Variants in DNMT3A observed in about 807,000 individuals in gnomAD.
DNMT3A encodes DNA methyltransferase 3 alpha.
A neutral mutation model predicts 117.6 loss-of-function variants in DNMT3A; 267 were observed. The observed-to-expected ratio is 2.27, with a 90% CI of 2.05 to 2.51. The LOEUF (loss-of-function observed/expected upper bound fraction) is 2.51, where lower values mean the gene tolerates loss of function less well. DNMT3A is among the 30% of genes most tolerant of loss of function. The pLI, the probability that DNMT3A is intolerant of heterozygous loss-of-function variation, is 0.00. For synonymous variants in DNMT3A, 432 were observed against 474.8 expected (o/e 0.91, Z 1.17); for missense variants, 1,029 against 1,260.2 (o/e 0.82, Z 2.78).
In DNMT3A at chr2:25,308,585, C is replaced by T. The variant is rs111258899; in HGVS notation, c.72+5328G>A. On this transcript the variant is annotated intron_variant, in intron 2 of 22. Coordinates refer to ENST00000321117, the MANE Select transcript of DNMT3A (RefSeq NM_022552.5). Reference sequence around the variant, plus strand: ...CTAACTCCCCCGAGATCAGAGTGAGCGCGCCATTATCGCTGGCTGGGTCTC... The same window carrying T: ...CTAACTCCCCCGAGATCAGAGTGAGTGCGCCATTATCGCTGGCTGGGTCTC... Among the ~76,000 whole-genome samples the T allele has an allele frequency of 1.2e-3, 185 of 152,158 alleles. 2 individuals carry two copies. The highest frequency in any genetic ancestry group is 4.2e-3 in the African/African-American group (174 of 41,520).
chr2:25,307,515 G>C (rs1000364685), intron 2 of DNMT3A, among the ~76,000 whole-genome samples: 1 of 146,502 alleles, frequency 6.8e-6, no homozygotes, highest in Non-Finnish European at 1.5e-5. Flanking sequence ...ACCCAGGCTG[G>C]AGTGCAATGG....
At chr2:25,238,438 G>T (rs1419538648) in intron 20 of DNMT3A, among the ~76,000 whole-genome samples, 3 of 152,126 alleles carry the variant, frequency 2.0e-5, no homozygotes, top group Non-Finnish European at 2.9e-5. Flanking sequence ...CCATGACTCA[G>T]AACACTCTGG....
In DNMT3A at chr2:25,286,656, G is replaced by A. The variant is rs1175161162; in HGVS notation, c.178-3945C>T. ...TCAATGGGGCTCTCTGGGGCTCAGG[G>A]TGACCAGCAGGACAAAACCATCCAG... On this transcript the variant is annotated intron_variant, in intron 3 of 22. Coordinates refer to ENST00000321117, the MANE Select transcript of DNMT3A (RefSeq NM_022552.5). The surrounding 1 kb of genome is among the most constrained non-coding windows in gnomAD (Gnocchi z 4.3). Among the ~76,000 whole-genome samples the A allele has an allele frequency of 1.3e-5, 2 of 152,238 alleles. No individual in the cohort carries two copies. Among genetic ancestry groups the A allele is most frequent in the Non-Finnish European group, 2.9e-5 (2 of 68,042 alleles).
At chr2:25,333,682 TG>T (rs996270661) in intron 1 of DNMT3A, among the ~76,000 whole-genome samples, 1 of 152,128 alleles carries the variant, frequency 6.6e-6, no homozygotes, top group Admixed American at 6.6e-5. Flanking sequence ...CAGGGCTTTG[TG>T]GGGGTCACCC....
At position 25,252,371 on chromosome 2, in the gene DNMT3A, C is replaced by T; in HGVS notation, c.640-4119G>A. On this transcript the variant is annotated intron_variant, in intron 6 of 22. Coordinates refer to ENST00000321117, the MANE Select transcript of DNMT3A (RefSeq NM_022552.5). This position sits in a 1 kb window ranked among gnomAD's most constrained non-coding sequence, Gnocchi z 5.5. ...GGGAGGGAGGGAACATTTTCTTTGT[C>T]TAGGACTCCAGGTCACGTGGGCCCC... 3.0e-6 allele frequency: 2 copies of T among 658,326 alleles called. No individual in the cohort carries two copies. The highest frequency in any genetic ancestry group is 4.7e-6 in the Non-Finnish European group (2 of 429,952). 40.8% of individuals were successfully genotyped at this position (658,326 alleles called of 1,614,324 possible). A position where few individuals can be genotyped will look rare whatever the true frequency, so the allele number is the denominator to read the frequency against.
At chr2:25,307,708 C>T (rs967041722) in intron 2 of DNMT3A, among the ~76,000 whole-genome samples, 5 of 152,282 alleles carry the variant, frequency 3.3e-5, no homozygotes, top group East Asian at 1.9e-4. Context: ...TCAAGTGATC[C>T]ATCTGCCTTG....
chr2:25,238,909 G>C (rs975423366), intron 20 of DNMT3A, among the ~76,000 whole-genome samples: 1 of 152,218 alleles, frequency 6.6e-6, no homozygotes, highest in African/African-American at 2.4e-5. Context: ...TACTTTTAAA[G>C]GTCCTGCTTT....
chr2:25,302,398 G>A (rs1316847594), intron 2 of DNMT3A, among the ~76,000 whole-genome samples: 3 of 152,214 alleles, frequency 2.0e-5, no homozygotes, highest in Non-Finnish European at 4.4e-5. Flanking sequence ...GCTGGAGAAG[G>A]ACCAAAGAGG....
rs2149252654 is a variant in DNMT3A, at chr2:25,234,331, G to A, written c.2687C>T (p.Pro896Leu). ...QRLLGRSWSVPVIRHLFAPLK... is the reference protein window; with the variant it reads ...QRLLGRSWSVLVIRHLFAPLK... ...CGGAGCGAAGAGGTGGCGGATGACT[G>A]GCACGCTCCATGACCGGCCCAGCAG... is the stretch of plus-strand genomic sequence containing the variant. The change falls in exon 23 of 23, where the codon CCA (proline) becomes CTA (leucine). Residue 896 changes from proline to leucine, a missense_variant. Coordinates refer to ENST00000321117, the MANE Select transcript of DNMT3A (RefSeq NM_022552.5). This position sits in a 1 kb window ranked among gnomAD's most constrained non-coding sequence, Gnocchi z 4.5. 1.2e-6 allele frequency: 2 copies of A among 1,614,100 alleles called. No homozygotes were observed. The highest frequency in any genetic ancestry group is 1.7e-6 in the Non-Finnish European group (2 of 1,180,002).
At position 25,231,408 on chromosome 2, in the gene DNMT3A, T is replaced by C. The variant is rs1672882060; in HGVS notation, c.*2871A>G. 6.6e-6 allele frequency: 1 copy of C among 152,064 alleles called. No individual in the cohort carries two copies. The highest frequency in any genetic ancestry group is 1.5e-5 in the Non-Finnish European group (1 of 68,010). The allele number at this position is 152,064 out of a possible 1,614,324, so 9.4% of individuals were successfully genotyped here. On this transcript the variant is annotated 3_prime_UTR_variant, in exon 23 of 23. Coordinates refer to ENST00000321117, the MANE Select transcript of DNMT3A (RefSeq NM_022552.5). ...AACTGGGCATGATCTTAAACACCAATCTGTCGAGGAGACAGTAGATTGGGG... is the reference window on the plus strand; with the variant it reads ...AACTGGGCATGATCTTAAACACCAACCTGTCGAGGAGACAGTAGATTGGGG...
At chr2:25,240,163 C>G (rs944324742) in intron 19 of DNMT3A, 139 bp downstream of exon 19, 117 of 1,272,606 alleles carry the variant, frequency 9.2e-5, no homozygotes, top group Middle Eastern at 2.1e-4. Context: ...ATCCAGGAAG[C>G]CTGGGGCTTC....
intron 4 of DNMT3A, 118 bp from the exon 5 acceptor site, chr2:25,275,661 G>A (rs1381020568): frequency 4.8e-5 from 53 of 1,111,296 alleles, no homozygotes; most frequent in Non-Finnish European, 3.8e-5. Flanking sequence ...TCCTCTGGCC[G>A]TTTAGCTGTT....
At chr2:25,240,168 G>C in intron 19 of DNMT3A, 134 bp downstream of exon 19, 1 of 1,315,812 alleles carries the variant, frequency 7.6e-7, no homozygotes, top group South Asian at 1.4e-5. Context: ...GGAAGCCTGG[G>C]GCTTCCCAAA....
chr2:25,308,624 G>A (rs765100839), intron 2 of DNMT3A, among the ~76,000 whole-genome samples: 5 of 151,822 alleles, frequency 3.3e-5, no homozygotes, highest in Non-Finnish European at 7.4e-5. Flanking sequence ...AGAGGTGAGG[G>A]TGCAGCGGCT....
chr2:25,280,107 T>C (rs2031772855), intron 4 of DNMT3A, among the ~76,000 whole-genome samples: 1 of 152,106 alleles, frequency 6.6e-6, no homozygotes, highest in Non-Finnish European at 1.5e-5. Flanking sequence ...GAATCATCCT[T>C]GACAGCATCT....
rs1260782593 is a variant in DNMT3A, at chr2:25,257,153, T to G, written c.640-8901A>C. On this transcript the variant is annotated intron_variant, in intron 6 of 22. Coordinates refer to ENST00000321117, the MANE Select transcript of DNMT3A (RefSeq NM_022552.5). This position sits in a 1 kb window ranked among gnomAD's most constrained non-coding sequence, Gnocchi z 4.8. Reference sequence around the variant, plus strand: ...AGGACTGGGCTGCTGGCAGTGAAGCTAAAAATAGCCATGAAGCCAACAGCG... The same window carrying G: ...AGGACTGGGCTGCTGGCAGTGAAGCGAAAAATAGCCATGAAGCCAACAGCG... Among the ~76,000 whole-genome samples the G allele has an allele frequency of 6.6e-6, 1 of 152,164 alleles. No homozygotes were observed. The highest frequency in any genetic ancestry group is 1.9e-4 in the East Asian group (1 of 5,194).
intron 6 of DNMT3A, among the ~76,000 whole-genome samples, chr2:25,249,171 C>T (rs1246873831): frequency 6.6e-6 from 1 of 152,158 alleles, no homozygotes; most frequent in Non-Finnish European, 1.5e-5. Flanking sequence ...CAGGGAGGAT[C>T]ACTTGAGCCC....
chr2:25,335,368 G>T (rs1276023280), intron 1 of DNMT3A, among the ~76,000 whole-genome samples: 7 of 152,250 alleles, frequency 4.6e-5, no homozygotes. Context: ...GCTTGGCAGG[G>T]GCAGGGGCGA....
At chr2:25,303,591 G>A (rs1325108018) in intron 2 of DNMT3A, among the ~76,000 whole-genome samples, 3 of 152,242 alleles carry the variant, frequency 2.0e-5, no homozygotes, top group Admixed American at 6.5e-5. Context: ...GGAGCTTTAC[G>A]GCTGGCCCAG....
Sources: allele counts gnomAD v4.1 joint callset (sites outside exome capture counted in the v4.1 genomes callset), GRCh38; gene constraint gnomAD v4.1.1; non-coding constraint Gnocchi (gnomAD v3.1); transcripts MANE v1.5; gene names NCBI Gene and HGNC (gene_info 2026-07-23, HGNC 2026-07-21).